The following VPS8 variants were observed in gnomAD, a reference collection of about 807,000 sequenced individuals.
VPS8 encodes the protein vacuolar protein sorting-associated protein 8 homolog.
Under a neutral mutation model 216.4 loss-of-function variants are expected in VPS8, and 129 were observed. The observed-to-expected ratio is 0.60, with a 90% CI of 0.52 to 0.69. VPS8 has a LOEUF of 0.69. VPS8 is among the 30% of genes least tolerant of loss of function. The pLI is 0.00. For missense variants in VPS8, 1,531 were observed against 1,683.5 expected, an observed-to-expected ratio of 0.91 and a Z score of 1.59; for synonymous variants, 571 against 565.4, an observed-to-expected ratio of 1.01 and a Z score of -0.14.
chr3:185,003,778 C>T (rs1211099457), intron 45 of VPS8, among the ~76,000 whole-genome samples: 4 of 150,132 alleles, frequency 2.7e-5, no homozygotes, highest in Middle Eastern at 3.6e-3. Flanking sequence ...GGCTGCCAGG[C>T]GGAGGGGCTC....
intron 15 of VPS8, among the ~76,000 whole-genome samples, chr3:184,861,064 T>C (rs1365722655): frequency 2.0e-5 from 3 of 152,074 alleles, no homozygotes; most frequent in Non-Finnish European, 4.4e-5. Flanking sequence ...CCTCGTGATC[T>C]GCCCGCCTCA....
chr3:185,023,021 A>C (rs1756867883), intron 45 of VPS8, among the ~76,000 whole-genome samples: 2 of 152,244 alleles, frequency 1.3e-5, no homozygotes, highest in African/African-American at 4.8e-5. Flanking sequence ...AACTGGACAT[A>C]CATAAAGTGT....
chr3:184,957,655 C>A, intron 37 of VPS8, 134 bp downstream of exon 37: 2 of 1,123,076 alleles, frequency 1.8e-6, no homozygotes, highest in South Asian at 3.6e-5. Flanking sequence ...GAGACATACT[C>A]CTGAAAACAA....
chr3:184,822,755 A>C (rs1162995372), intron 1 of VPS8, among the ~76,000 whole-genome samples: 1 of 152,230 alleles, frequency 6.6e-6, no homozygotes, highest in Non-Finnish European at 1.5e-5. Context: ...GTCTTTGAAG[A>C]AATGAGTATA....
At chr3:184,828,789 G>A (rs948812271) in intron 3 of VPS8, among the ~76,000 whole-genome samples, 1 of 152,182 alleles carries the variant, frequency 6.6e-6, no homozygotes, top group Non-Finnish European at 1.5e-5. Flanking sequence ...AATCATAAGT[G>A]TACAGTGTGG....
chr3:185,008,983 A>G (rs1403114503), intron 45 of VPS8, among the ~76,000 whole-genome samples: 1 of 152,256 alleles, frequency 6.6e-6, no homozygotes, highest in Non-Finnish European at 1.5e-5. Context: ...TTGTTCGGTC[A>G]AGAGTTTGGT....
At chr3:184,994,446 G>GCAC (rs1289124310) in intron 43 of VPS8, among the ~76,000 whole-genome samples, 2 of 150,456 alleles carry the variant, frequency 1.3e-5, no homozygotes, top group African/African-American at 4.9e-5. Flanking sequence ...AGCTATGATT[G>GCAC]TGCCACTGCA....
chr3:184,876,444 G>A (rs7638317), intron 21 of VPS8, among the ~76,000 whole-genome samples: 33,661 of 151,794 alleles, frequency 0.22, 4,642 homozygotes, highest in East Asian at 0.62. Flanking sequence ...TGTCCCTTAA[G>A]CACATTAAAG....
chr3:184,832,312 T>A (rs1485095061), intron 3 of VPS8, among the ~76,000 whole-genome samples: 1 of 152,192 alleles, frequency 6.6e-6, no homozygotes, highest in African/African-American at 2.4e-5. Context: ...TCATTTTTTT[T>A]TATAGTAGAC....
intron 30 of VPS8, 107 bp downstream of exon 30, chr3:184,925,088 T>C (rs1739342137): frequency 7.0e-7 from 1 of 1,422,094 alleles, no homozygotes; most frequent in South Asian, 1.4e-5. Context: ...AAATACCTTA[T>C]CAAGGAGAGG....
chr3:185,028,394 TG>T (rs1161402634), intron 46 of VPS8, among the ~76,000 whole-genome samples: 1 of 151,958 alleles, frequency 6.6e-6, no homozygotes, highest in Non-Finnish European at 1.5e-5. Flanking sequence ...TTGTCAGAAA[TG>T]GGAATGGTTC....
chr3:184,862,865 C>CA (rs1726628964), intron 15 of VPS8, 32 bp from the exon 16 acceptor site: 1 of 1,594,316 alleles, frequency 6.3e-7, no homozygotes, highest in African/African-American at 1.3e-5. Flanking sequence ...GGTGTGGTCT[C>CA]ACTTTTGTTT....
intron 45 of VPS8, among the ~76,000 whole-genome samples, chr3:185,018,245 G>A (rs1318758864): frequency 6.6e-6 from 1 of 152,164 alleles, no homozygotes; most frequent in Non-Finnish European, 1.5e-5. Context: ...ACTATTTCCT[G>A]AGCAGCCGGA....
chr3:185,041,633 A>G (rs60867652), intron 46 of VPS8, among the ~76,000 whole-genome samples: 13,498 of 152,210 alleles, frequency 0.089, 640 homozygotes, highest in African/African-American at 0.094. Context: ...AGTATGTGTG[A>G]CAGAGCCACT....
chr3:184,870,867 T>TAA, intron 21 of VPS8, 62 bp downstream of exon 21: 1 of 1,385,728 alleles, frequency 7.2e-7, no homozygotes, highest in East Asian at 2.4e-5. Flanking sequence ...TCCTCTTTTA[T>TAA]GTTACTTGAG....
chr3:184,914,330 T>C (rs1170242421), intron 26 of VPS8, among the ~76,000 whole-genome samples: 2 of 152,138 alleles, frequency 1.3e-5, no homozygotes, highest in East Asian at 3.8e-4. Flanking sequence ...ACATTGAAAA[T>C]TGTAGTTTAA....
chr3:184,894,071 GC>G (rs1354152005), intron 22 of VPS8, among the ~76,000 whole-genome samples: 1 of 152,130 alleles, frequency 6.6e-6, no homozygotes, highest in Non-Finnish European at 1.5e-5. Context: ...TTTTGTTTCT[GC>G]AATAAAATTG....
chr3:185,043,974 G>A (rs1010991272), intron 46 of VPS8, among the ~76,000 whole-genome samples: 6 of 152,162 alleles, frequency 3.9e-5, no homozygotes, highest in African/African-American at 1.4e-4. Context: ...CGGATCACCA[G>A]AGGTCAGGAG....
chr3:184,960,770 T>C (rs992172921), intron 37 of VPS8, among the ~76,000 whole-genome samples: 18 of 152,186 alleles, frequency 1.2e-4, no homozygotes, highest in Non-Finnish European at 2.4e-4. Context: ...GTTTAAAAGA[T>C]TGGATCAGAA....
Sources: gnomAD v4.1 joint callset for allele counts (sites outside exome capture counted in the v4.1 genomes callset) on GRCh38, gnomAD v4.1.1 for gene constraint, MANE v1.5 for transcripts, NCBI Gene and HGNC (gene_info 2026-07-23, HGNC 2026-07-21) for gene names.